The following TMEM253 variants were observed in gnomAD, a reference collection of about 807,000 sequenced individuals.
TMEM253 encodes the protein transmembrane protein C14orf176.
Under a neutral mutation model 20.3 loss-of-function variants are expected in TMEM253, and 22 were observed. The ratio of observed to expected loss-of-function variants is 1.08; its 90% confidence interval spans 0.78 to 1.55. The LOEUF (loss-of-function observed/expected upper bound fraction) is 1.55. TMEM253 is among the 40% of genes most tolerant of loss of function. TMEM253 has a pLI of 0.00. For missense variants in TMEM253, 251 were observed against 266.1 expected (o/e 0.94, Z 0.39); for synonymous variants, 92 against 102.6 (o/e 0.90, Z 0.62).
chr14:21,103,397 A>G (rs150024369), exon 7 of TMEM253: 1 of 1,341,324 alleles, frequency 7.5e-7, no homozygotes, highest in Admixed American at 2.8e-5. Context: ...CTTCCCTGTT[A>G]GGGGAAGATA....
Position 21,101,980 on chromosome 14 carries a change from G to T in TMEM253, c.219+5G>T. ...CCTCTTGGGCCTGGAGCCTCAGTAA[G>T]ACCCACCACAAGGGAGGGTGGAAGG... On this transcript the variant is annotated splice_donor_5th_base_variant and intron_variant, in intron 3 of 6. Coordinates refer to ENST00000556585, the Ensembl canonical transcript of TMEM253. The T allele has an allele frequency of 6.4e-7, 1 of 1,551,524 alleles. No individual in the cohort carries two copies. Among genetic ancestry groups the T allele is most frequent in the Non-Finnish European group, 8.7e-7 (1 of 1,146,854 alleles).
intron 4 of TMEM253, 87 bp from the exon 5 acceptor site, chr14:21,102,318 A>T: frequency 6.7e-7 from 1 of 1,488,874 alleles, no homozygotes; most frequent in Non-Finnish European, 9.1e-7. Flanking sequence ...GCAGAAGCTG[A>T]GTTTTGTCTT....
chr14:21,101,962 G>A (rs993290147), exon 3 of TMEM253: 1 of 1,551,502 alleles, frequency 6.4e-7, no homozygotes, highest in East Asian at 2.4e-5. Context: ...CTGCCTCTTG[G>A]GCCTGGAGCC....
intron 4 of TMEM253, 102 bp from the exon 5 acceptor site, chr14:21,102,303 G>A: frequency 1.4e-6 from 2 of 1,459,508 alleles, no homozygotes; most frequent in Non-Finnish European, 1.9e-6. Context: ...TTTGGAGGCT[G>A]AGAAGCAGAA....
intron 2 of TMEM253, 31 bp downstream of exon 2, chr14:21,101,482 A>G (rs1053850712): frequency 2.1e-5 from 32 of 1,527,370 alleles, no homozygotes; most frequent in Non-Finnish European, 2.8e-5. Flanking sequence ...CCCAGGTCTC[A>G]GCATGTCCAC....
At chr14:21,098,842 G>A, upstream of TMEM253, 1 of 1,287,950 alleles carries the variant, frequency 7.8e-7, no homozygotes, top group Non-Finnish European at 1.0e-6. Flanking sequence ...CGCTCTTTCT[G>A]CCCCAACATG....
intron 4 of TMEM253, 62 bp downstream of exon 4, chr14:21,102,182 C>A: frequency 6.6e-7 from 1 of 1,504,744 alleles, no homozygotes; most frequent in South Asian, 1.3e-5. Flanking sequence ...CTACAACCCT[C>A]AGCCTAGGAA....
At chr14:21,102,883 A>G (rs956743275) in intron 6 of TMEM253, 104 bp downstream of exon 6, 5 of 1,459,290 alleles carry the variant, frequency 3.4e-6, no homozygotes, top group African/African-American at 2.8e-5. Context: ...GGCAGGAGAG[A>G]AAAGAAGAGG....
At chr14:21,101,034 C>T, upstream of TMEM253, 1 of 275,398 alleles carries the variant, frequency 3.6e-6, no homozygotes, top group Non-Finnish European at 7.2e-6. Context: ...GATCCTTAGG[C>T]CTTCATAGAA....
rs1889654881 is a variant in TMEM253 at position 21,101,864 on chromosome 14, G to T, written c.109-1G>T. On this transcript the variant is annotated splice_acceptor_variant, in intron 2 of 6. Transcript: ENST00000556585. LOFTEE classifies it high-confidence loss of function. Reference sequence around the variant, plus strand: ...CCCAATTACCCTACCCTTACCCCCAGGTGAGCCAGCTATGGCTGGCAGTGG... The same window carrying T: ...CCCAATTACCCTACCCTTACCCCCATGTGAGCCAGCTATGGCTGGCAGTGG... The T allele has an allele frequency of 2.6e-6, 4 of 1,551,234 alleles. No homozygotes were observed. Among genetic ancestry groups the T allele is most frequent in the Non-Finnish European group, 3.5e-6 (4 of 1,146,824 alleles).
At chr14:21,101,102 C>T (rs1466189512), upstream of TMEM253, 2 of 376,926 alleles carry the variant, frequency 5.3e-6, no homozygotes, top group South Asian at 2.8e-5. Flanking sequence ...ACAAGTTTGT[C>T]GTCTGCTCTG....
chr14:21,102,942 C>A, intron 6 of TMEM253, 163 bp downstream of exon 6: 1 of 1,356,310 alleles, frequency 7.4e-7, no homozygotes, highest in Non-Finnish European at 9.9e-7. Context: ...CATTTCTCCC[C>A]TAATGGTGGG....
chr14:21,100,308 G>C (rs1889551001), upstream of TMEM253, among the ~76,000 whole-genome samples: 1 of 152,138 alleles, frequency 6.6e-6, no homozygotes. Flanking sequence ...GTTGGCTACA[G>C]TGAGCCATGA....
At chr14:21,103,453 C>T in exon 7 of TMEM253, 2 of 872,396 alleles carry the variant, frequency 2.3e-6, no homozygotes, top group Non-Finnish European at 1.7e-6. Context: ...TGAAAAGCTG[C>T]TTTCTCCCTT....
At chr14:21,101,737 G>T in intron 2 of TMEM253, 128 bp from the exon 3 acceptor site, 1 of 741,968 alleles carries the variant, frequency 1.3e-6, no homozygotes, top group Non-Finnish European at 2.2e-6. Flanking sequence ...TCACGTCCTT[G>T]CTCTGGGTTG....
exon 7 of TMEM253, chr14:21,103,488 A>G: frequency 1.7e-6 from 1 of 579,676 alleles, no homozygotes; most frequent in Non-Finnish European, 2.9e-6. Flanking sequence ...TCTTCCTGTC[A>G]CCTCCCCATA....
At chr14:21,100,095 G>A (rs1889538843), upstream of TMEM253, among the ~76,000 whole-genome samples, 1 of 152,138 alleles carries the variant, frequency 6.6e-6, no homozygotes, top group Non-Finnish European at 1.5e-5. Context: ...AGACACAGTG[G>A]CCCACACCTG....
intron 4 of TMEM253, 97 bp from the exon 5 acceptor site, chr14:21,102,308 G>T (rs1297675205): frequency 1.4e-6 from 2 of 1,469,002 alleles, no homozygotes; most frequent in South Asian, 1.3e-5. Flanking sequence ...AGGCTGAGAA[G>T]CAGAAGCTGA....
chr14:21,102,009 C>T (rs772743009), intron 3 of TMEM253, 34 bp downstream of exon 3: 1 of 1,550,782 alleles, frequency 6.4e-7, no homozygotes, highest in South Asian at 1.2e-5. Context: ...TGGAAGGTCC[C>T]AGGGCCCCTT....
Sources: gnomAD v4.1 joint callset for allele counts (sites outside exome capture counted in the v4.1 genomes callset) on GRCh38, gnomAD v4.1.1 for gene constraint, MANE v1.5 for transcripts, NCBI Gene and HGNC (gene_info 2026-07-23, HGNC 2026-07-21) for gene names.